Variants in EBF1 observed in about 807,000 individuals in gnomAD.
EBF1 encodes EBF transcription factor 1.
EBF1 carries 10 observed loss-of-function variants against 68.4 expected under a neutral mutation model. The ratio of observed to expected loss-of-function variants is 0.15; its 90% confidence interval spans 0.09 to 0.25. The LOEUF (loss-of-function observed/expected upper bound fraction) is 0.25. Among genes scored for constraint, EBF1 ranks in the 10% least tolerant of loss-of-function variants. EBF1 has a pLI of 1.00. For missense variants in EBF1, 509 were observed against 794.4 expected (o/e 0.64, Z 4.32); for synonymous variants, 298 against 299.8 (o/e 0.99, Z 0.06).
At chr5:159,069,884 C>T (rs1332908499) in intron 6 of EBF1, among the ~76,000 whole-genome samples, 1 of 152,078 alleles carries the variant, frequency 6.6e-6, no homozygotes, top group Non-Finnish European at 1.5e-5. Flanking sequence ...AAGGTTAGGA[C>T]ACAAGGATAT....
At chr5:158,941,945 A>C (rs1335187733) in intron 6 of EBF1, among the ~76,000 whole-genome samples, 16 of 152,238 alleles carry the variant, frequency 1.1e-4, no homozygotes, top group Admixed American at 1.0e-3. Context: ...TATAGTTGTG[A>C]ATAGTTTCCC....
intron 4 of EBF1, among the ~76,000 whole-genome samples, chr5:159,088,279 T>C (rs1781064598): frequency 2.6e-5 from 4 of 152,166 alleles, no homozygotes; most frequent in Admixed American, 2.6e-4. Flanking sequence ...GATGAATGTC[T>C]CTGATGCAGA....
intron 11 of EBF1, among the ~76,000 whole-genome samples, chr5:158,716,662 TC>T (rs1168995251): frequency 2.4e-4 from 37 of 152,220 alleles, no homozygotes; most frequent in South Asian, 4.1e-4. Flanking sequence ...AATTTCTGGG[TC>T]CTCCATGAGT....
At chr5:158,766,297 G>A (rs1223550455) in intron 10 of EBF1, among the ~76,000 whole-genome samples, 1 of 152,104 alleles carries the variant, frequency 6.6e-6, no homozygotes, top group Non-Finnish European at 1.5e-5. Flanking sequence ...AAAAAGAGGT[G>A]TATCACAAAC....
At chr5:158,773,017 T>C (rs2127660875) in intron 10 of EBF1, among the ~76,000 whole-genome samples, 1 of 152,232 alleles carries the variant, frequency 6.6e-6, no homozygotes, top group South Asian at 2.1e-4. Context: ...GAGAATTCAA[T>C]CTATATCCAT....
At chr5:158,844,016 C>T (rs536358833) in intron 6 of EBF1, among the ~76,000 whole-genome samples, 9 of 151,892 alleles carry the variant, frequency 5.9e-5, no homozygotes, top group Admixed American at 1.3e-4. Context: ...TTTTGTGAGG[C>T]GGGTGTGTTT....
At chr5:158,981,953 C>T (rs1174017739) in intron 6 of EBF1, among the ~76,000 whole-genome samples, 5 of 152,202 alleles carry the variant, frequency 3.3e-5, no homozygotes, top group African/African-American at 1.2e-4. Context: ...TGAGACTTGA[C>T]TCATGATCTA....
At chr5:159,060,420 T>A (rs1207722101) in intron 6 of EBF1, among the ~76,000 whole-genome samples, 1 of 152,232 alleles carries the variant, frequency 6.6e-6, no homozygotes, top group Non-Finnish European at 1.5e-5. Context: ...TAAAAATCTA[T>A]GTAAAGTTGC....
At chr5:159,070,868 A>G (rs915027662) in intron 6 of EBF1, among the ~76,000 whole-genome samples, 2 of 152,224 alleles carry the variant, frequency 1.3e-5, no homozygotes, top group Non-Finnish European at 2.9e-5. Context: ...TCTGAAAGCA[A>G]ATCAAACCCT....
At position 158,828,120 on chromosome 5, in the gene EBF1, AAT is replaced by A. The variant is rs536710732; in HGVS notation, c.637-4805_637-4804del. On this transcript the variant is annotated intron_variant, in intron 7 of 15. Coordinates refer to ENST00000313708, the MANE Select transcript of EBF1 (RefSeq NM_024007.5). Reference sequence around the variant, plus strand: ...GGGCCCCTAATCACAAAGCTTTAAAAATATTAACTTGAAGTACACTAAATGAA... The same window carrying A: ...GGGCCCCTAATCACAAAGCTTTAAAAATTAACTTGAAGTACACTAAATGAA... Among the ~76,000 whole-genome samples the A allele has an allele frequency of 4.6e-5, 7 of 152,332 alleles. No homozygotes were observed. In the East Asian group the frequency reaches 1.2e-3, roughly 25 times the overall value.
chr5:158,861,642 C>T (rs1378208979), intron 6 of EBF1, among the ~76,000 whole-genome samples: 3 of 152,120 alleles, frequency 2.0e-5, no homozygotes, highest in Non-Finnish European at 4.4e-5. Context: ...TCAATTAATG[C>T]TCCTCTGCTG....
intron 6 of EBF1, among the ~76,000 whole-genome samples, chr5:158,962,659 CT>C: frequency 6.6e-6 from 1 of 152,280 alleles, no homozygotes. Flanking sequence ...AAAGTAAATA[CT>C]TTTTAAAGCC....
chr5:159,019,259 A>G (rs1479578492), intron 6 of EBF1: 3 of 152,230 alleles, frequency 2.0e-5, no homozygotes, highest in Non-Finnish European at 2.9e-5. Context: ...TTCTGTAAAA[A>G]TTCTAAATCT....
intron 8 of EBF1, among the ~76,000 whole-genome samples, chr5:158,819,716 T>G (rs892517306): frequency 5.3e-5 from 8 of 152,212 alleles, no homozygotes; most frequent in Admixed American, 1.3e-4. Context: ...AGCAGTTACA[T>G]TTTGAGGCTG....
chr5:159,078,329 T>C (rs1189765039), intron 5 of EBF1, among the ~76,000 whole-genome samples: 1 of 152,188 alleles, frequency 6.6e-6, no homozygotes, highest in African/African-American at 2.4e-5. Flanking sequence ...AAGGAAAAGC[T>C]GAAAGGAGAA....
chr5:158,930,976 C>A (rs1810764573), intron 6 of EBF1, among the ~76,000 whole-genome samples: 1 of 152,064 alleles, frequency 6.6e-6, no homozygotes, highest in Non-Finnish European at 1.5e-5. Context: ...AATGGGGGTC[C>A]AGTGTTAGAC....
At chr5:159,099,274 C>T (rs566836623) in intron 1 of EBF1, 71 bp downstream of exon 1, 8 of 1,254,706 alleles carry the variant, frequency 6.4e-6, no homozygotes, top group Non-Finnish European at 8.2e-6. Flanking sequence ...CTGCCGCTGC[C>T]GCTGCCGCCT....
intron 6 of EBF1, among the ~76,000 whole-genome samples, chr5:158,911,005 G>C (rs1256198957): frequency 6.6e-6 from 1 of 152,112 alleles, no homozygotes; most frequent in Non-Finnish European, 1.5e-5. Flanking sequence ...CCTTGCAGGG[G>C]AGCAAGGCAG....
intron 9 of EBF1, among the ~76,000 whole-genome samples, chr5:158,792,768 G>A (rs564476609): frequency 5.8e-4 from 88 of 152,318 alleles, no homozygotes; most frequent in Non-Finnish European, 5.7e-4. Flanking sequence ...TTGCCCTAGC[G>A]TAGGCATGTA....
Sources: gnomAD v4.1 joint callset for allele counts (sites outside exome capture counted in the v4.1 genomes callset) on GRCh38, gnomAD v4.1.1 for gene constraint, MANE v1.5 for transcripts, NCBI Gene and HGNC (gene_info 2026-07-23, HGNC 2026-07-21) for gene names.